SLC8A1: variants seen among roughly 807,000 people sequenced by gnomAD.
The protein encoded by SLC8A1 is sodium/calcium exchanger 1.
In SLC8A1, 18 loss-of-function variants were observed where a neutral mutation model predicts 68.3. The observed-to-expected ratio is 0.26, with a 90% CI of 0.18 to 0.39. The LOEUF (loss-of-function observed/expected upper bound fraction) is 0.39, where lower values mean the gene tolerates loss of function less well. SLC8A1 is among the 10% of genes least tolerant of loss of function. The pLI, the probability that SLC8A1 is intolerant of heterozygous loss-of-function variation, is 1.00. For synonymous variants in SLC8A1, 475 were observed against 415.5 expected (o/e 1.14, Z -1.74); for missense variants, 985 against 1,156.7 (o/e 0.85, Z 2.15).
chr2:40,120,447 A>G (rs922607284), intron 7 of SLC8A1, among the ~76,000 whole-genome samples: 2 of 152,188 alleles, frequency 1.3e-5, no homozygotes, highest in African/African-American at 4.8e-5. Context: ...AACTGTCTGT[A>G]TGCTCTCGGC....
exon 8 of SLC8A1, chr2:40,105,404 T>C (rs1433057291): frequency 1.3e-5 from 2 of 152,222 alleles, no homozygotes; most frequent in African/African-American, 4.8e-5. Context: ...GGTATAGTAA[T>C]ACTATCCATG....
chr2:40,332,256 A>G (rs1196518460), intron 2 of SLC8A1, among the ~76,000 whole-genome samples: 1 of 152,166 alleles, frequency 6.6e-6, no homozygotes, highest in Non-Finnish European at 1.5e-5. Context: ...ACCACATGCA[A>G]TTGGCTGTTT....
At chr2:40,162,325 C>A (rs912428640) in intron 5 of SLC8A1, among the ~76,000 whole-genome samples, 3 of 152,172 alleles carry the variant, frequency 2.0e-5, no homozygotes, top group Non-Finnish European at 4.4e-5. Flanking sequence ...TTCAAAGTGC[C>A]TTGTAGAATG....
chr2:40,157,368 T>C (rs926561524), intron 6 of SLC8A1, among the ~76,000 whole-genome samples: 1 of 152,150 alleles, frequency 6.6e-6, no homozygotes, highest in Non-Finnish European at 1.5e-5. Context: ...GTAATCTTCC[T>C]GGAGTCATCC....
At chr2:40,250,555 A>G (rs1045712885) in intron 2 of SLC8A1, 7 of 152,168 alleles carry the variant, frequency 4.6e-5, no homozygotes, top group Non-Finnish European at 1.0e-4. Flanking sequence ...TCGTGTGTTT[A>G]TAATTCTGAT....
At chr2:40,482,102 A>G (rs915470845) in intron 1 of SLC8A1, among the ~76,000 whole-genome samples, 1 of 152,190 alleles carries the variant, frequency 6.6e-6, no homozygotes, top group Non-Finnish European at 1.5e-5. Flanking sequence ...AGAATGCTTA[A>G]TATGAAATTG....
At chr2:40,401,969 T>C (rs1688880235) in intron 2 of SLC8A1, among the ~76,000 whole-genome samples, 1 of 152,266 alleles carries the variant, frequency 6.6e-6, no homozygotes, top group South Asian at 2.1e-4. Flanking sequence ...AAGTGTATAA[T>C]TGTCAGAGGC....
At chr2:40,182,760 G>T (rs2049868048) in intron 2 of SLC8A1, among the ~76,000 whole-genome samples, 1 of 152,166 alleles carries the variant, frequency 6.6e-6, no homozygotes, top group African/African-American at 2.4e-5. Context: ...GGTTGAAAAA[G>T]AAAGTCTCTT....
chr2:40,314,065 C>G (rs2074110546), intron 2 of SLC8A1, among the ~76,000 whole-genome samples: 1 of 151,936 alleles, frequency 6.6e-6, no homozygotes, highest in African/African-American at 2.4e-5. Flanking sequence ...GATAAAGAAT[C>G]TAGGAAATCT....
At chr2:40,101,107 CT>C in exon 8 of SLC8A1, 1 of 152,170 alleles carries the variant, frequency 6.6e-6, no homozygotes, top group Non-Finnish European at 1.5e-5. Context: ...TCTTAAGTTC[CT>C]TTTCCTAAGC....
intron 2 of SLC8A1, among the ~76,000 whole-genome samples, chr2:40,418,504 G>A (rs1694539600): frequency 6.6e-6 from 1 of 152,116 alleles, no homozygotes; most frequent in Admixed American, 6.6e-5. Flanking sequence ...TAGGCCACCT[G>A]AGCCTAAGAC....
At chr2:40,203,560 A>G (rs1033827372) in intron 2 of SLC8A1, among the ~76,000 whole-genome samples, 1 of 152,072 alleles carries the variant, frequency 6.6e-6, no homozygotes, top group Non-Finnish European at 1.5e-5. Context: ...GAGAAATGCA[A>G]GAATAGCTTA....
rs140180141 is a variant in SLC8A1, at chr2:40,443,716, T to A, written c.-25+8188A>T. Among the ~76,000 whole-genome samples, 625 of 152,340 alleles carry A rather than the reference T, an allele frequency of 4.1e-3. 2 individuals carry two copies. Among genetic ancestry groups the A allele is most frequent in the African/African-American group, 0.014 (599 of 41,582 alleles). ...AAGAAATGAGTGCTGGTCTCAGCTC[T>A]ACTGACCAGTCATATGTCCTTGGAG... is the stretch of plus-strand genomic sequence containing the variant. On this transcript the variant is annotated intron_variant, in intron 1 of 7. Transcript: ENST00000406785.
At chr2:40,242,539 C>A (rs443236) in intron 2 of SLC8A1, among the ~76,000 whole-genome samples, 21,257 of 151,934 alleles carry the variant, frequency 0.14, 1,859 homozygotes, top group African/African-American at 0.23. Flanking sequence ...TCCAGCAACT[C>A]GACTCTCCCT....
chr2:40,181,287 G>A (rs71439278), intron 2 of SLC8A1, among the ~76,000 whole-genome samples: 3,153 of 152,186 alleles, frequency 0.021, 63 homozygotes, highest in African/African-American at 0.051. Flanking sequence ...GTAGCTGATG[G>A]GTGTGGGAAA....
intron 2 of SLC8A1, among the ~76,000 whole-genome samples, chr2:40,399,651 G>A (rs1449034706): frequency 2.0e-5 from 3 of 152,064 alleles, no homozygotes; most frequent in African/African-American, 7.2e-5. Flanking sequence ...CTATGCTGTG[G>A]GAAATACTAA....
intron 7 of SLC8A1, among the ~76,000 whole-genome samples, chr2:40,122,200 G>A (rs1038241739): frequency 2.2e-5 from 2 of 91,434 alleles, no homozygotes; most frequent in Non-Finnish European, 2.7e-5. Flanking sequence ...AAGTGCATGC[G>A]CGCGCGCACA....
At chr2:40,209,637 G>A (rs2056199094) in intron 2 of SLC8A1, among the ~76,000 whole-genome samples, 1 of 152,128 alleles carries the variant, frequency 6.6e-6, no homozygotes, top group Admixed American at 6.6e-5. Flanking sequence ...GTGGTTCCCG[G>A]CAAAGGATGA....
intron 1 of SLC8A1, among the ~76,000 whole-genome samples, chr2:40,495,116 G>T (rs1053067774): frequency 2.2e-4 from 34 of 151,984 alleles, no homozygotes; most frequent in Middle Eastern, 3.4e-3. Flanking sequence ...AAGCCCTACA[G>T]GTAAATAAAA....
Sources: gnomAD v4.1 joint callset for allele counts (sites outside exome capture counted in the v4.1 genomes callset) on GRCh38, gnomAD v4.1.1 for gene constraint, MANE v1.5 for transcripts, NCBI Gene and HGNC (gene_info 2026-07-23, HGNC 2026-07-21) for gene names.